MAPK6: variants seen among roughly 807,000 people sequenced by gnomAD.
The protein encoded by MAPK6 is ERK-3.
A neutral mutation model predicts 59.3 loss-of-function variants in MAPK6; 19 were observed. The ratio of observed to expected loss-of-function variants is 0.32; its 90% CI spans 0.22 to 0.47. MAPK6 has a LOEUF of 0.47. Ranked by LOEUF, MAPK6 falls within the 20% of genes least tolerant of loss-of-function variation. MAPK6 has a pLI of 1.00. For synonymous variants in MAPK6, 316 were observed against 290.3 expected (o/e 1.09, Z -0.90); for missense variants, 724 against 847.9 (o/e 0.85, Z 1.81).
At chr15:52,023,652 G>A (rs961877709) in intron 1 of MAPK6, among the ~76,000 whole-genome samples, 1 of 152,176 alleles carries the variant, frequency 6.6e-6, no homozygotes, top group African/African-American at 2.4e-5. Context: ...TCCCTCTGTT[G>A]CCAGGCTGGA....
intron 3 of MAPK6, among the ~76,000 whole-genome samples, chr15:52,052,650 T>A (rs1200467652): frequency 2.0e-5 from 3 of 152,170 alleles, no homozygotes; most frequent in Admixed American, 2.0e-4. Flanking sequence ...CAGATAACAT[T>A]TGGACTTTGT....
intron 1 of MAPK6, among the ~76,000 whole-genome samples, chr15:52,027,053 A>G (rs939597959): frequency 1.4e-5 from 2 of 141,080 alleles, no homozygotes; most frequent in Non-Finnish European, 3.1e-5. Flanking sequence ...CTGTCTTGAA[A>G]AAAGAAAATG....
chr15:52,027,866 A>G (rs1595982203), intron 1 of MAPK6: 1 of 150,872 alleles, frequency 6.6e-6, no homozygotes, highest in East Asian at 1.9e-4. Flanking sequence ...TCTGCGTCCC[A>G]GATTCAGGTG....
chr15:51,972,898 A>G (rs1163616745), intron 1 of MAPK6, among the ~76,000 whole-genome samples: 1 of 151,782 alleles, frequency 6.6e-6, no homozygotes, highest in East Asian at 1.9e-4. Context: ...AGCCCTAGCT[A>G]CTCAGGAAAC....
intron 1 of MAPK6, among the ~76,000 whole-genome samples, chr15:52,026,933 C>T (rs1436762995): frequency 6.6e-6 from 1 of 151,572 alleles, no homozygotes; most frequent in Non-Finnish European, 1.5e-5. Context: ...ACCTGTACTC[C>T]CAGCTACTCT....
At chr15:51,983,251 C>T (rs2057180113) in exon 2 of MAPK6, among the ~76,000 whole-genome samples, 1 of 151,924 alleles carries the variant, frequency 6.6e-6, no homozygotes, top group African/African-American at 2.4e-5. Flanking sequence ...CTTTGGGAGG[C>T]CAAGGTGGGC....
At chr15:52,042,159 C>G (rs1247152802) in intron 1 of MAPK6, among the ~76,000 whole-genome samples, 1 of 152,212 alleles carries the variant, frequency 6.6e-6, no homozygotes, top group African/African-American at 2.4e-5. Flanking sequence ...AAAAGGCACT[C>G]TAGCAGCATT....
chr15:52,055,246 AAAAAC>A (rs961979623), intron 3 of MAPK6, among the ~76,000 whole-genome samples: 1 of 152,180 alleles, frequency 6.6e-6, no homozygotes, highest in African/African-American at 2.4e-5. Flanking sequence ...TGTCTCGACA[AAAAAC>A]AAAAATGTAG....
chr15:52,021,984 G>T (rs1046904914), intron 1 of MAPK6, among the ~76,000 whole-genome samples: 3 of 151,966 alleles, frequency 2.0e-5, no homozygotes, highest in East Asian at 1.9e-4. Flanking sequence ...GTTTAGCAAG[G>T]TGGCTTAAAA....
chr15:52,045,564 C>T (rs949037058), intron 1 of MAPK6, among the ~76,000 whole-genome samples: 2 of 152,172 alleles, frequency 1.3e-5, no homozygotes, highest in African/African-American at 4.8e-5. Context: ...TACTTGTTGG[C>T]ATTTCAGAAA....
chr15:51,996,796 G>A (rs945260575), intron 2 of MAPK6, among the ~76,000 whole-genome samples: 2 of 151,660 alleles, frequency 1.3e-5, no homozygotes, highest in African/African-American at 4.9e-5. Flanking sequence ...GGGCTCAAAT[G>A]ATCCTCCTGC....
intron 1 of MAPK6, among the ~76,000 whole-genome samples, chr15:51,975,554 A>G (rs1002521040): frequency 1.3e-5 from 2 of 151,902 alleles, no homozygotes; most frequent in East Asian, 1.9e-4. Context: ...AAAAAAGTAT[A>G]AAATATATAC....
chr15:51,994,070 C>T (rs1163204359), intron 2 of MAPK6, among the ~76,000 whole-genome samples: 3 of 152,180 alleles, frequency 2.0e-5, no homozygotes, highest in Non-Finnish European at 2.9e-5. Flanking sequence ...AAGCGATTCT[C>T]CTGCCTCAGC....
intron 1 of MAPK6, among the ~76,000 whole-genome samples, chr15:52,020,696 C>A (rs566081624): frequency 6.6e-6 from 1 of 152,288 alleles, no homozygotes; most frequent in Non-Finnish European, 1.5e-5. Flanking sequence ...GGAATTTCTT[C>A]ATAGAAATAT....
intron 1 of MAPK6, among the ~76,000 whole-genome samples, chr15:52,022,210 G>T (rs982617708): frequency 6.6e-6 from 1 of 152,128 alleles, no homozygotes; most frequent in African/African-American, 2.4e-5. Context: ...TGGTTTTTCT[G>T]TGTATACTGT....
chr15:52,048,302 A>G (rs2031660762), intron 2 of MAPK6, among the ~76,000 whole-genome samples: 1 of 151,880 alleles, frequency 6.6e-6, no homozygotes, highest in African/African-American at 2.4e-5. Context: ...GGCGCCCGCC[A>G]CCACGCCCAG....
chr15:51,982,675 C>G (rs1249421647), intron 1 of MAPK6, among the ~76,000 whole-genome samples: 1 of 150,910 alleles, frequency 6.6e-6, no homozygotes, highest in African/African-American at 2.4e-5. Context: ...CGTGTTTTTC[C>G]CAAGTAAAAA....
intron 2 of MAPK6, among the ~76,000 whole-genome samples, chr15:51,994,925 G>A (rs535466902): frequency 5.9e-5 from 9 of 152,294 alleles, no homozygotes; most frequent in Admixed American, 2.0e-4. Flanking sequence ...TGAAGAAGAC[G>A]GAAGACCTAT....
intron 1 of MAPK6, among the ~76,000 whole-genome samples, chr15:51,976,150 C>G (rs2057156731): frequency 6.6e-6 from 1 of 150,808 alleles, no homozygotes. Context: ...CCTGTAGTCC[C>G]AGCTACTCGG....
Sources: allele counts gnomAD v4.1 joint callset (sites outside exome capture counted in the v4.1 genomes callset), GRCh38; gene constraint gnomAD v4.1.1; transcripts MANE v1.5; gene names NCBI Gene and HGNC (gene_info 2026-07-23, HGNC 2026-07-21).